KALRN: variants seen among roughly 807,000 people sequenced by gnomAD.
KALRN encodes the protein kalirin.
In KALRN, 70 loss-of-function variants were observed where a neutral mutation model predicts 353.7. The ratio of observed to expected loss-of-function variants is 0.20; its 90% CI spans 0.16 to 0.24. The LOEUF (loss-of-function observed/expected upper bound fraction) is 0.24, where lower values mean the gene tolerates loss of function less well. Ranked by LOEUF, KALRN falls within the 10% of genes least tolerant of loss-of-function variation. KALRN has a pLI of 1.00. For synonymous variants in KALRN, 1,391 were observed against 1,434.8 expected, an observed-to-expected ratio of 0.97 and a Z score of 0.69; for missense variants, 2,791 against 3,756.7, an observed-to-expected ratio of 0.74 and a Z score of 6.72.
intron 34 of KALRN, among the ~76,000 whole-genome samples, chr3:124,617,476 G>A (rs1283194231): frequency 6.6e-6 from 1 of 152,212 alleles, no homozygotes; most frequent in Non-Finnish European, 1.5e-5. Context: ...CAGAGCAAAA[G>A]GAGAACATGC....
intron 1 of KALRN, among the ~76,000 whole-genome samples, chr3:124,199,246 A>C (rs2075733244): frequency 6.6e-6 from 1 of 152,132 alleles, no homozygotes; most frequent in South Asian, 2.1e-4. Flanking sequence ...TTGCACCAAG[A>C]ATTCTCCCTG....
intron 10 of KALRN, 147 bp from the exon 11 acceptor site, chr3:124,384,698 C>G (rs2087929556): frequency 1.4e-6 from 1 of 694,838 alleles, no homozygotes; most frequent in South Asian, 2.7e-5. Context: ...GGCGGCGTGC[C>G]AGCTCCGCGC....
chr3:124,518,629 G>A lies in KALRN; in HGVS notation c.4935+22216G>A, dbSNP rs369425080. ...AACATGTTCCAAGCAAAATCTCCCCGCCTGGGCCATGGGCTCACCCTCGGG... is the reference window on the plus strand; with the variant it reads ...AACATGTTCCAAGCAAAATCTCCCCACCTGGGCCATGGGCTCACCCTCGGG... On this transcript the variant is annotated intron_variant, in intron 33 of 59. Transcript: ENST00000682506. The A allele has an allele frequency of 1.3e-4, 194 of 1,490,602 alleles. 1 individual carries two copies. The East Asian group carries it at 3.9e-3, about 30-fold the overall frequency. The allele number at this position is 1,490,602 out of a possible 1,614,324, so 92.3% of individuals were successfully genotyped here.
chr3:124,083,625 A>G (rs1025472239), intron 1 of KALRN, among the ~76,000 whole-genome samples: 1 of 152,250 alleles, frequency 6.6e-6, no homozygotes, highest in African/African-American at 2.4e-5. Flanking sequence ...CATTTTACAG[A>G]AAACGGAGGC....
At chr3:124,419,629 T>C (rs962199961) in intron 14 of KALRN, among the ~76,000 whole-genome samples, 11 of 152,182 alleles carry the variant, frequency 7.2e-5, no homozygotes, top group Admixed American at 2.6e-4. Context: ...TGGATACGAC[T>C]GACATGGCTC....
intron 1 of KALRN, among the ~76,000 whole-genome samples, chr3:124,104,135 G>T (rs372591863): frequency 1.3e-5 from 2 of 152,098 alleles, no homozygotes; most frequent in Admixed American, 6.5e-5. Context: ...TTGTGATGCC[G>T]CAGGTACTCT....
intron 10 of KALRN, among the ~76,000 whole-genome samples, chr3:124,373,361 A>G (rs1181057316): frequency 6.6e-6 from 1 of 152,146 alleles, no homozygotes; most frequent in Non-Finnish European, 1.5e-5. Flanking sequence ...AGAGGTTGCT[A>G]TTGGCATCCT....
At chr3:124,169,297 A>C (rs1320128514) in intron 1 of KALRN, among the ~76,000 whole-genome samples, 1 of 151,970 alleles carries the variant, frequency 6.6e-6, no homozygotes, top group African/African-American at 2.4e-5. Flanking sequence ...ACTGCATTTT[A>C]CTAAGCTTGT....
At chr3:124,587,132 C>T (rs2075277444) in intron 34 of KALRN, among the ~76,000 whole-genome samples, 1 of 152,196 alleles carries the variant, frequency 6.6e-6, no homozygotes, top group East Asian at 1.9e-4. Flanking sequence ...AGGGTGTGCA[C>T]TGCAGGGGAC....
intron 1 of KALRN, among the ~76,000 whole-genome samples, chr3:124,192,764 G>A (rs1014810356): frequency 2.0e-5 from 3 of 152,172 alleles, no homozygotes; most frequent in Admixed American, 6.5e-5. Context: ...GCAAGAGGCC[G>A]GCCATCTGCA....
chr3:124,411,367 C>T (rs2092131483), intron 13 of KALRN, among the ~76,000 whole-genome samples: 1 of 137,496 alleles, frequency 7.3e-6, no homozygotes, highest in African/African-American at 2.7e-5. Context: ...CAGTTTTTAA[C>T]ATACAGTAAC....
chr3:124,587,224 T>A (rs564169961), intron 34 of KALRN, among the ~76,000 whole-genome samples: 4 of 149,172 alleles, frequency 2.7e-5, no homozygotes, highest in African/African-American at 7.3e-5. Flanking sequence ...CACTCCACCT[T>A]GTAGATAAAG....
intron 5 of KALRN, among the ~76,000 whole-genome samples, chr3:124,272,119 A>G (rs959860824): frequency 6.6e-6 from 1 of 152,240 alleles, no homozygotes; most frequent in African/African-American, 2.4e-5. Context: ...TACCCAAGTA[A>G]TAAACCTGCA....
At chr3:124,619,490 T>G (rs1262832379) in intron 34 of KALRN, among the ~76,000 whole-genome samples, 1 of 146,788 alleles carries the variant, frequency 6.8e-6, no homozygotes, top group Non-Finnish European at 1.5e-5. Context: ...TTCTTTTTTT[T>G]TTTTTTTTTT....
chr3:124,276,540 T>C (rs2074742977), intron 5 of KALRN, among the ~76,000 whole-genome samples: 1 of 152,182 alleles, frequency 6.6e-6, no homozygotes, highest in African/African-American at 2.4e-5. Flanking sequence ...CTGTCTCTTC[T>C]CTTCCCCACA....
rs2063353683 is a variant in KALRN at position 124,721,455 on chromosome 3, T to C, written c.*1985T>C. The C allele has an allele frequency of 6.6e-6, 1 of 152,156 alleles. No homozygotes were observed. Among genetic ancestry groups the C allele is most frequent in the South Asian group, 2.1e-4 (1 of 4,826 alleles). The allele number at this position is 152,156 out of a possible 1,614,324, so 9.4% of individuals were successfully genotyped here. ...CCTTTATGTATTTACAAACACTCTA[T>C]GATACAATACATAAAAATTTAAAAC... On this transcript the variant is annotated 3_prime_UTR_variant, in exon 60 of 60. Coordinates refer to ENST00000682506, the MANE Select transcript of KALRN (RefSeq NM_001388419.1).
chr3:124,548,454 CT>C (rs1265929106), intron 33 of KALRN, among the ~76,000 whole-genome samples: 2 of 152,214 alleles, frequency 1.3e-5, no homozygotes, highest in Non-Finnish European at 2.9e-5. Context: ...TAGCCCCCAT[CT>C]CTTACAGCTA....
Position 124,326,058 on chromosome 3 carries a change from A to T in KALRN, c.1171A>T (p.Ile391Phe), listed in dbSNP as rs751320978. The T allele has an allele frequency of 6.2e-7, 1 of 1,613,824 alleles. No homozygotes were observed. Among genetic ancestry groups the T allele is most frequent in the Non-Finnish European group, 8.5e-7 (1 of 1,179,890 alleles). ...GGCCGGTCATTATGCCTCACAACAA[A>T]TCAAGCAGATCTCCACCCAGCTGGA... Reference protein sequence around the residue: ...SEAGHYASQQIKQISTQLDQE... With the variant: ...SEAGHYASQQFKQISTQLDQE... The change falls in exon 7 of 60, where the codon ATC becomes TTC. Residue 391 changes from isoleucine (I) to phenylalanine (F), a missense_variant. By Grantham distance (21) the Ile-to-Phe change is conservative. Transcript: ENST00000682506.
rs1050522842 is a variant in KALRN, at chr3:124,488,052, G to T, written c.4285-152G>T. 6 of 555,362 alleles carry T rather than the reference G, an allele frequency of 1.1e-5. No homozygotes were observed. The East Asian group carries it at 1.5e-4, about 14-fold the overall frequency. The allele number at this position is 555,362 out of a possible 1,614,324, so 34.4% of individuals were successfully genotyped here. A position where few individuals can be genotyped will look rare whatever the true frequency, so the allele number is the denominator to read the frequency against. ...GAAAAATAGTGCTTGAATTCTTAGA[G>T]ATAACCCCTTTTACCCCACCTCACT... On this transcript the variant is annotated intron_variant, in intron 28 of 59. Coordinates refer to ENST00000682506, the MANE Select transcript of KALRN (RefSeq NM_001388419.1).
Sources: gnomAD v4.1 joint callset for allele counts (sites outside exome capture counted in the v4.1 genomes callset) on GRCh38, gnomAD v4.1.1 for gene constraint, MANE v1.5 for transcripts, NCBI Gene and HGNC (gene_info 2026-07-23, HGNC 2026-07-21) for gene names.